The following P3H1 variants were observed in gnomAD, a reference collection of about 807,000 sequenced individuals.
P3H1 encodes the protein prolyl 3-hydroxylase 1.
Under a neutral mutation model 84.0 loss-of-function variants are expected in P3H1, and 69 were observed. The ratio of observed to expected loss-of-function variants is 0.82; its 90% CI spans 0.68 to 1.00. The LOEUF (loss-of-function observed/expected upper bound fraction) is 1.00. P3H1 is among the 50% of genes least tolerant of loss of function. P3H1 has a pLI of 0.00. For synonymous variants in P3H1, 366 were observed against 388.8 expected (o/e 0.94, Z 0.69); for missense variants, 878 against 962.8 (o/e 0.91, Z 1.17).
intron 2 of P3H1, chr1:42,760,019 T>A (rs1652623975): frequency 7.3e-6 from 1 of 137,076 alleles, no homozygotes; most frequent in Non-Finnish European, 1.5e-5. Flanking sequence ...AGTTTCACTC[T>A]TGTTGCCCAG....
rs780329868 is a variant in P3H1 at position 42,748,208 on chromosome 1, G to A, written c.1830C>T (p.Arg610=). ...CVKEPPAYTF[R]DYSAILYLNG... is the part of the protein sequence containing the mutation. ...ACCTGCCCCGCACTCACCTGTAGTC[G>A]CGGAAGGTGTAGGCTGGGGGCTCTT... The change falls in exon 12 of 15, where the codon CGC becomes CGT. Residue 610 remains arginine, a synonymous_variant. Transcript: ENST00000296388. The A allele has an allele frequency of 1.3e-5, 21 of 1,613,070 alleles. No homozygotes were observed. Among genetic ancestry groups the A allele is most frequent in the East Asian group, 6.7e-5 (3 of 44,864 alleles).
chr1:42,765,370 AG>A (rs1652934636), intron 1 of P3H1, among the ~76,000 whole-genome samples: 1 of 152,248 alleles, frequency 6.6e-6, no homozygotes, highest in South Asian at 2.1e-4. Context: ...CGCAGCCCTA[AG>A]TATATGCCCT....
At chr1:42,752,501 C>A (rs1570464208) in intron 9 of P3H1, 36 bp downstream of exon 9, 1 of 1,613,816 alleles carries the variant, frequency 6.2e-7, no homozygotes, top group East Asian at 2.2e-5. Context: ...GATGCTGGAC[C>A]CTTGGGGGAA....
intron 14 of P3H1, 166 bp downstream of exon 14, chr1:42,747,106 G>A (rs764371720): frequency 6.2e-7 from 1 of 1,614,206 alleles, no homozygotes; most frequent in South Asian, 1.1e-5. Context: ...GGGAGGACAA[G>A]GCAATGTGAC....
Position 42,750,210 on chromosome 1 carries a change from G to A in P3H1, c.1696C>T (p.Leu566=), listed in dbSNP as rs1651953444. The change falls in exon 11 of 15, where the codon CTG becomes TTG. Residue 566 remains leucine, a synonymous_variant. Coordinates refer to ENST00000296388, the MANE Select transcript of P3H1 (RefSeq NM_022356.4). ...DTPLYFSYSH[L]VCRTAIEEVQ... ...CCTTCGATGGCAGTGCGGCACACCA[G>A]ATGAGAGTAGGAAAAGTAGAGGGGC... 1 of 1,613,516 alleles carries A rather than the reference G, an allele frequency of 6.2e-7. No individual in the cohort carries two copies. Among genetic ancestry groups the A allele is most frequent in the Admixed American group, 1.7e-5 (1 of 59,924 alleles).
At chr1:42,762,604 CT>C in intron 1 of P3H1, 129 bp from the exon 2 acceptor site, 1 of 956,404 alleles carries the variant, frequency 1.0e-6, no homozygotes, top group Non-Finnish European at 1.7e-6. Context: ...TGCCCAGCCC[CT>C]GCCAGCCCCA....
chr1:42,766,006 G>GT (rs1652967223), intron 1 of P3H1, among the ~76,000 whole-genome samples: 2 of 89,874 alleles, frequency 2.2e-5, no homozygotes, highest in African/African-American at 8.5e-5. Flanking sequence ...TAGCCAGAGG[G>GT]TCCCCCCCCC....
At chr1:42,750,941 T>A (rs1443936613) in intron 10 of P3H1, among the ~76,000 whole-genome samples, 10 of 112,134 alleles carry the variant, frequency 8.9e-5, no homozygotes, top group South Asian at 3.3e-4. Flanking sequence ...TCCGGGAGGG[T>A]GGTGGGGGGG....
intron 10 of P3H1, chr1:42,751,738 G>A (rs566426475): frequency 6.8e-4 from 125 of 182,746 alleles, no homozygotes; most frequent in African/African-American, 2.5e-3. Flanking sequence ...CAGCCACATG[G>A]AACTGTAAGT....
chr1:42,751,439 C>T (rs1037070549), intron 10 of P3H1, among the ~76,000 whole-genome samples: 30 of 128,420 alleles, frequency 2.3e-4, no homozygotes, highest in Non-Finnish European at 3.1e-4. Context: ...TGCGGAAGGC[C>T]GCAGGGTCCT....
chr1:42,759,060 C>G (rs1354138072), intron 3 of P3H1, 77 bp from the exon 4 acceptor site: 3 of 1,594,626 alleles, frequency 1.9e-6, no homozygotes, highest in Non-Finnish European at 2.6e-6. Context: ...TGAACAAATT[C>G]AAATGGAAGC....
rs372788816 is a variant in P3H1 at position 42,764,126 on chromosome 1, G to A, written c.466-1651C>T. On this transcript the variant is annotated intron_variant, in intron 1 of 14. Coordinates refer to ENST00000296388, the MANE Select transcript of P3H1 (RefSeq NM_022356.4). The stretch of plus-strand genomic sequence containing the variant: ...GCTTGGGCAACAAGAGCGAAACTCC[G>A]TCTCAAAAGAAAAGAGGGCTGGGTG... 2.6e-5 allele frequency among the ~76,000 whole-genome samples: 4 copies of A among 151,784 alleles called. No homozygotes were observed. In the East Asian group the frequency reaches 7.8e-4, roughly 30 times the overall value.
intron 1 of P3H1, 128 bp from the exon 2 acceptor site, chr1:42,762,603 C>A: frequency 1.0e-6 from 1 of 955,494 alleles, no homozygotes; most frequent in East Asian, 2.5e-5. Context: ...GTGCCCAGCC[C>A]CTGCCAGCCC....
chr1:42,747,236 G>C, intron 14 of P3H1, 36 bp downstream of exon 14: 1 of 1,614,148 alleles, frequency 6.2e-7, no homozygotes, highest in Non-Finnish European at 8.5e-7. Flanking sequence ...GGTCACCACA[G>C]CACCAGCTGC....
chr1:42,752,355 T>A lies in P3H1; in HGVS notation c.1488A>T (p.Ser496=). ...AGGTCTGACCCCGGTAGCCATCTCC[T>A]GAGGTTGCTGCCACCTACAAGGCCC... ...LQRLTNVAAT[S]GDGYRGQTSP... is the part of the protein sequence containing the mutation. The change falls in exon 10 of 15, where the codon TCA becomes TCT. Residue 496 remains serine (S), a synonymous_variant. Coordinates refer to ENST00000296388, the MANE Select transcript of P3H1 (RefSeq NM_022356.4). 1 of 1,614,124 alleles carries A rather than the reference T, an allele frequency of 6.2e-7. No homozygotes were observed. Among genetic ancestry groups the A allele is most frequent in the Non-Finnish European group, 8.5e-7 (1 of 1,180,002 alleles).
rs1045266286 is a variant in P3H1 at position 42,754,786 on chromosome 1, G to A, written c.1345+83C>T. 2.5e-6 allele frequency: 4 copies of A among 1,585,646 alleles called. No individual in the cohort carries two copies. In the African/African-American group the frequency reaches 4.0e-5, roughly 16 times the overall value. ...TCATGGTGAGCTCTGCAATGCTGGG[G>A]TGGAGCGCTGCCTGGCAAATGTGGG... On this transcript the variant is annotated intron_variant, in intron 8 of 14. Transcript: ENST00000296388. The surrounding 1 kb of genome is among the most constrained non-coding windows in gnomAD (Gnocchi z 4.0).
In P3H1 at chr1:42,757,882, A is replaced by G. The variant is rs763990911; in HGVS notation, c.981T>C (p.Tyr327=). The G allele has an allele frequency of 1.9e-6, 3 of 1,614,228 alleles. No homozygotes were observed. Among genetic ancestry groups the G allele is most frequent in the South Asian group, 1.1e-5 (1 of 91,088 alleles). ...YTQAVECAKT[Y]LLFFPNDEVM... ...CCTCGTCATTGGGGAAGAAGAGAAG[A>G]TAGGTCTTGGCACATTCAACAGCCT... The change falls in exon 5 of 15, where the codon TAT becomes TAC. Residue 327 remains tyrosine, a synonymous_variant. Transcript: ENST00000296388.
chr1:42,746,553 T>C lies in P3H1; in HGVS notation c.*144A>G. On this transcript the variant is annotated 3_prime_UTR_variant, in exon 15 of 15. Transcript: ENST00000296388. ...GTCCACTCCAAGAGCAGTAGCACCA[T>C]GTAGAAGGCTGTGAGCAGGGTCCCC... is the stretch of plus-strand genomic sequence containing the variant. 1 of 682,406 alleles carries C rather than the reference T, an allele frequency of 1.5e-6. No homozygotes were observed. The highest frequency in any genetic ancestry group is 2.7e-5 in the East Asian group (1 of 36,866). 42.3% of individuals were successfully genotyped at this position (682,406 alleles called of 1,614,324 possible). A position where few individuals can be genotyped will look rare whatever the true frequency, so the allele number is the denominator to read the frequency against.
rs774561784 is a variant in P3H1 at position 42,757,838 on chromosome 1, G to A, written c.1025C>T (p.Ala342Val). Residue 342 changes from alanine (A) to valine (V), a missense_variant, in exon 5 of 15, where the codon GCC (alanine) becomes GTC (valine). Transcript: ENST00000296388. ...TTCTCCAAGCATAGCTGCATAATAG[G>A]CCAAATTTTGGTTCATCACCTCGTC... ...PNDEVMNQNLAYYAAMLGEEH... is the reference protein window; with the variant it reads ...PNDEVMNQNLVYYAAMLGEEH... 1.9e-6 allele frequency: 3 copies of A among 1,614,198 alleles called. No homozygotes were observed. Among genetic ancestry groups the A allele is most frequent in the Non-Finnish European group, 2.5e-6 (3 of 1,180,004 alleles).
Sources: gnomAD v4.1 joint callset for allele counts (sites outside exome capture counted in the v4.1 genomes callset) on GRCh38, gnomAD v4.1.1 for gene constraint, Gnocchi (gnomAD v3.1) non-coding constraint, MANE v1.5 for transcripts, NCBI Gene and HGNC (gene_info 2026-07-23, HGNC 2026-07-21) for gene names.